BAALC: variants seen among roughly 807,000 people sequenced by gnomAD.
The protein encoded by BAALC is BAALC binder of MAP3K1 and KLF4, also known as brain and acute leukemia cytoplasmic protein.
BAALC carries 9 observed loss-of-function variants against 15.5 expected under a neutral mutation model. The ratio of observed to expected loss-of-function variants is 0.58; its 90% CI spans 0.35 to 1.02. The LOEUF is 1.02. Among genes scored for constraint, BAALC ranks in the 50% least tolerant of loss-of-function variants. The probability of loss-of-function intolerance (pLI) is 0.02; values close to 1 mark genes in which losing one functional copy is unlikely to be tolerated. For synonymous variants in BAALC, 80 were observed against 74.6 expected, an observed-to-expected ratio of 1.07 and a Z score of -0.37; for missense variants, 201 against 192.4, an observed-to-expected ratio of 1.04 and a Z score of -0.27.
chr8:103,205,558 C>CTA (rs959347484), intron 1 of BAALC, among the ~76,000 whole-genome samples: 3 of 151,004 alleles, frequency 2.0e-5, no homozygotes, highest in Non-Finnish European at 4.4e-5. Context: ...ATAGATAGAT[C>CTA]TATATATATC....
At chr8:103,161,103 CT>C (rs1208428363) in intron 1 of BAALC, among the ~76,000 whole-genome samples, 3 of 152,164 alleles carry the variant, frequency 2.0e-5, no homozygotes, top group Admixed American at 6.6e-5. Flanking sequence ...GGAAAAATTG[CT>C]GTTTCTTTCA....
At chr8:103,171,386 GAGGA>G (rs1359038501) in intron 1 of BAALC, among the ~76,000 whole-genome samples, 40 of 40,764 alleles carry the variant, frequency 9.8e-4, no homozygotes, top group South Asian at 3.2e-3. Context: ...AAAGGCAAGA[GAGGA>G]AGGAAGGAAG....
Position 103,229,208 on chromosome 8 carries a change from T to C in BAALC, c.*1109T>C, listed in dbSNP as rs1812869994. ...TTGATAGGAATAATTTTCTAGTATG[T>C]CTTGAAACATGTTCATCTGGAAGTA... On this transcript the variant is annotated 3_prime_UTR_variant, in exon 3 of 3. Transcript: ENST00000309982. 6.6e-6 allele frequency: 1 copy of C among 152,244 alleles called. No individual in the cohort carries two copies. The highest frequency in any genetic ancestry group is 2.1e-4 in the South Asian group (1 of 4,836). 9.4% of individuals were successfully genotyped at this position (152,244 alleles called of 1,614,324 possible).
At chr8:103,175,071 A>G (rs573296869) in intron 1 of BAALC, among the ~76,000 whole-genome samples, 1 of 152,046 alleles carries the variant, frequency 6.6e-6, no homozygotes, top group African/African-American at 2.4e-5. Context: ...GAACTTCCTC[A>G]CTCCCTGCAG....
chr8:103,202,404 A>G (rs868304089), intron 1 of BAALC, among the ~76,000 whole-genome samples: 9 of 152,226 alleles, frequency 5.9e-5, no homozygotes, highest in African/African-American at 2.2e-4. Context: ...TCTACAAGCC[A>G]AAGAGAGAGG....
intron 1 of BAALC, among the ~76,000 whole-genome samples, chr8:103,170,443 A>C (rs118003922): frequency 6.6e-6 from 1 of 152,292 alleles, no homozygotes; most frequent in Non-Finnish European, 1.5e-5. Flanking sequence ...ATATGATATT[A>C]AGGTGAACCT....
chr8:103,188,158 T>C (rs1267403270), intron 1 of BAALC, among the ~76,000 whole-genome samples: 1 of 152,126 alleles, frequency 6.6e-6, no homozygotes, highest in African/African-American at 2.4e-5. Context: ...TCAAACCCCT[T>C]CTTCTGTTGG....
intron 1 of BAALC, among the ~76,000 whole-genome samples, chr8:103,151,481 A>T (rs1430455319): frequency 6.6e-6 from 1 of 152,186 alleles, no homozygotes; most frequent in East Asian, 1.9e-4. Flanking sequence ...GCATTCTAGC[A>T]GCCAGGATCC....
intron 1 of BAALC, among the ~76,000 whole-genome samples, chr8:103,177,525 T>C (rs1344097880): frequency 1.3e-5 from 2 of 152,130 alleles, no homozygotes; most frequent in African/African-American, 4.8e-5. Context: ...CATGCAAAAT[T>C]CCCCACCGTC....
intron 1 of BAALC, among the ~76,000 whole-genome samples, chr8:103,165,245 G>A (rs755455007): frequency 3.9e-5 from 6 of 152,252 alleles, no homozygotes; most frequent in African/African-American, 9.6e-5. Flanking sequence ...TTCTACCAGC[G>A]TTCTGAAGCT....
At chr8:103,178,678 G>A (rs1811656915) in intron 1 of BAALC, among the ~76,000 whole-genome samples, 2 of 152,106 alleles carry the variant, frequency 1.3e-5, no homozygotes, top group Non-Finnish European at 2.9e-5. Context: ...CCAACATGGT[G>A]AAACCCTGTC....
At chr8:103,152,768 G>A (rs550004039) in intron 1 of BAALC, among the ~76,000 whole-genome samples, 16 of 152,280 alleles carry the variant, frequency 1.1e-4, no homozygotes, top group Admixed American at 5.2e-4. Flanking sequence ...GGAGGTCGGC[G>A]GCCACACCCA....
chr8:103,161,942 G>T (rs1307809018), intron 1 of BAALC, among the ~76,000 whole-genome samples: 1 of 133,258 alleles, frequency 7.5e-6, no homozygotes, highest in Non-Finnish European at 1.6e-5. Context: ...CACATCTCTG[G>T]GCCTGTTCTT....
intron 1 of BAALC, among the ~76,000 whole-genome samples, chr8:103,179,704 A>G (rs765393883): frequency 6.6e-6 from 1 of 152,244 alleles, no homozygotes; most frequent in Non-Finnish European, 1.5e-5. Flanking sequence ...GTGGGTACCA[A>G]TTATGTGCCA....
intron 1 of BAALC, among the ~76,000 whole-genome samples, chr8:103,174,940 T>G (rs1239874551): frequency 6.6e-6 from 1 of 152,172 alleles, no homozygotes; most frequent in African/African-American, 2.4e-5. Context: ...TGGGGCATCA[T>G]TTTGAAAAAA....
In BAALC at chr8:103,229,045, T is replaced by G. The variant is rs1812866390; in HGVS notation, c.*946T>G. ...GCTTCCCCTTGGCCTCTCTGTACAC[T>G]GCCCCAGGACTGTCATTTTGGCATC... On this transcript the variant is annotated 3_prime_UTR_variant, in exon 3 of 3. Transcript: ENST00000309982. 6.6e-6 allele frequency: 1 copy of G among 152,466 alleles called. No homozygotes were observed. The highest frequency in any genetic ancestry group is 1.5e-5 in the Non-Finnish European group (1 of 68,230). 9.4% of individuals were successfully genotyped at this position (152,466 alleles called of 1,614,324 possible). A position where few individuals can be genotyped will look rare whatever the true frequency, so the allele number is the denominator to read the frequency against.
intron 2 of BAALC, among the ~76,000 whole-genome samples, chr8:103,225,459 G>T (rs1812785020): frequency 6.6e-6 from 1 of 152,186 alleles, no homozygotes; most frequent in Non-Finnish European, 1.5e-5. Flanking sequence ...TAATTGAAAG[G>T]ATGCAAGTAA....
intron 2 of BAALC, among the ~76,000 whole-genome samples, chr8:103,226,791 T>C (rs1257405636): frequency 6.6e-6 from 1 of 152,186 alleles, no homozygotes; most frequent in Non-Finnish European, 1.5e-5. Context: ...TTAGTGACAG[T>C]CATTGTACTA....
Position 103,189,506 on chromosome 8 carries a change from TG to T in BAALC, c.161-23407del, listed in dbSNP as rs375923491. On this transcript the variant is annotated intron_variant, in intron 1 of 2. Transcript: ENST00000309982. ...TTCCCAAGGGAATAGACAGCCCAGC[TG>T]GGGGGAGAAAACTTGGACACTTGGA... Among the ~76,000 whole-genome samples the T allele has an allele frequency of 3.1e-3, 471 of 152,248 alleles. 2 individuals are homozygous for T. The highest frequency in any genetic ancestry group is 0.011 in the African/African-American group (445 of 41,558).
Sources: gnomAD v4.1 joint callset for allele counts (sites outside exome capture counted in the v4.1 genomes callset) on GRCh38, gnomAD v4.1.1 for gene constraint, MANE v1.5 for transcripts, NCBI Gene and HGNC (gene_info 2026-07-23, HGNC 2026-07-21) for gene names.